ZHX2: variants seen among roughly 807,000 people sequenced by gnomAD.
ZHX2 encodes zinc fingers and homeoboxes protein 2.
Under a neutral mutation model 21.9 loss-of-function variants are expected in ZHX2, and 6 were observed. That is an observed-to-expected ratio of 0.27 (90% CI 0.15 to 0.54). ZHX2 has a LOEUF of 0.54. ZHX2 is among the 20% of genes least tolerant of loss of function. ZHX2 has a pLI of 0.95. For synonymous variants in ZHX2, 434 were observed against 437.1 expected, an observed-to-expected ratio of 0.99 and a Z score of 0.09; for missense variants, 908 against 1,090.7, an observed-to-expected ratio of 0.83 and a Z score of 2.36.
At chr8:122,941,624 A>G (rs1812845548) in intron 2 of ZHX2, among the ~76,000 whole-genome samples, 1 of 151,860 alleles carries the variant, frequency 6.6e-6, no homozygotes, top group South Asian at 2.1e-4. Flanking sequence ...ACTCTTCGGC[A>G]TGGCAGGGAG....
rs1015661939 is a variant in ZHX2 at position 122,924,851 on chromosome 8, C to G, written c.-219-26441C>G. Among the ~76,000 whole-genome samples the G allele has an allele frequency of 5.3e-5, 8 of 152,180 alleles. No individual in the cohort carries two copies. In the East Asian group the frequency reaches 1.5e-3, roughly 29 times the overall value. On this transcript the variant is annotated intron_variant, in intron 2 of 3. Coordinates refer to ENST00000314393, the MANE Select transcript of ZHX2 (RefSeq NM_014943.5). ...TAAGTGGCCAGGTATTTGAGGGTATCTGAGTCGCGGTCTCAGTTGTGTTGA... is the reference window on the plus strand; with the variant it reads ...TAAGTGGCCAGGTATTTGAGGGTATGTGAGTCGCGGTCTCAGTTGTGTTGA...
At chr8:122,892,014 G>T (rs1355431517) in intron 2 of ZHX2, among the ~76,000 whole-genome samples, 3 of 152,310 alleles carry the variant, frequency 2.0e-5, no homozygotes, top group African/African-American at 7.2e-5. Flanking sequence ...TGCTGACAGT[G>T]TGGTGTTGCA....
intron 2 of ZHX2, among the ~76,000 whole-genome samples, chr8:122,898,125 G>A (rs1820141991): frequency 6.6e-6 from 1 of 152,176 alleles, no homozygotes; most frequent in South Asian, 2.1e-4. Context: ...GTGCCTTGTA[G>A]TTTTTACAAA....
intron 1 of ZHX2, among the ~76,000 whole-genome samples, chr8:122,839,575 A>G (rs1176664205): frequency 6.6e-6 from 1 of 152,172 alleles, no homozygotes; most frequent in Non-Finnish European, 1.5e-5. Context: ...ATTTTGTAGA[A>G]CTATAGAACT....
chr8:122,956,364 G>A (rs1813302498), intron 3 of ZHX2, among the ~76,000 whole-genome samples: 1 of 152,192 alleles, frequency 6.6e-6, no homozygotes, highest in South Asian at 2.1e-4. Flanking sequence ...AGGCCAAGGA[G>A]AGAGGAAATC....
At chr8:122,832,843 G>A (rs1256512726) in intron 1 of ZHX2, among the ~76,000 whole-genome samples, 1 of 152,136 alleles carries the variant, frequency 6.6e-6, no homozygotes, top group African/African-American at 2.4e-5. Flanking sequence ...TCTTAGGGGA[G>A]ACCTAATACT....
intron 1 of ZHX2, among the ~76,000 whole-genome samples, chr8:122,858,293 T>C (rs1819078098): frequency 6.6e-6 from 1 of 152,216 alleles, no homozygotes; most frequent in African/African-American, 2.4e-5. Flanking sequence ...CTTACTCGTC[T>C]GCTAAATGTT....
intron 1 of ZHX2, among the ~76,000 whole-genome samples, chr8:122,844,473 A>G (rs1818709818): frequency 6.6e-6 from 1 of 152,238 alleles, no homozygotes; most frequent in Non-Finnish European, 1.5e-5. Flanking sequence ...ATATAAAAGT[A>G]TCCCTGCAGT....
At chr8:122,804,126 T>A (rs11990326) in intron 1 of ZHX2, among the ~76,000 whole-genome samples, 219 of 152,328 alleles carry the variant, frequency 1.4e-3, no homozygotes, top group African/African-American at 4.8e-3. Flanking sequence ...TTATTTATTT[T>A]TTGAGACAGA....
At chr8:122,790,642 C>T (rs1817495016) in intron 1 of ZHX2, among the ~76,000 whole-genome samples, 1 of 152,180 alleles carries the variant, frequency 6.6e-6, no homozygotes, top group African/African-American at 2.4e-5. Flanking sequence ...GAGTCTCACT[C>T]TGTTGCCCAG....
chr8:122,904,420 G>A (rs964588613), intron 2 of ZHX2, among the ~76,000 whole-genome samples: 6 of 152,158 alleles, frequency 3.9e-5, no homozygotes, highest in African/African-American at 1.4e-4. Flanking sequence ...AGAAGGCCAA[G>A]TGGGGAGTAG....
chr8:122,962,846 T>C (rs1388507793), intron 3 of ZHX2, among the ~76,000 whole-genome samples: 2 of 152,230 alleles, frequency 1.3e-5, no homozygotes, highest in Non-Finnish European at 2.9e-5. Context: ...TATTGCATTA[T>C]GATTTTGATT....
At chr8:122,955,741 G>A (rs1304701346) in intron 3 of ZHX2, among the ~76,000 whole-genome samples, 1 of 151,752 alleles carries the variant, frequency 6.6e-6, no homozygotes, top group Non-Finnish European at 1.5e-5. Flanking sequence ...CACAATGACA[G>A]CAACTTCCCA....
chr8:122,856,729 G>A (rs1291392395), intron 1 of ZHX2, among the ~76,000 whole-genome samples: 2 of 152,128 alleles, frequency 1.3e-5, no homozygotes, highest in Non-Finnish European at 2.9e-5. Flanking sequence ...GCCCTATGGT[G>A]GCCCTTCTAA....
chr8:122,909,699 C>T (rs1217642455), intron 2 of ZHX2, among the ~76,000 whole-genome samples: 1 of 152,130 alleles, frequency 6.6e-6, no homozygotes, highest in African/African-American at 2.4e-5. Flanking sequence ...TCCACATTCA[C>T]TCCAGCCTCC....
chr8:122,844,757 C>A (rs999694441), intron 1 of ZHX2, among the ~76,000 whole-genome samples: 1 of 152,202 alleles, frequency 6.6e-6, no homozygotes, highest in African/African-American at 2.4e-5. Flanking sequence ...GTCTGTCTCA[C>A]ACACACACTT....
intron 2 of ZHX2, among the ~76,000 whole-genome samples, chr8:122,876,209 A>T (rs1278544117): frequency 6.6e-6 from 1 of 151,096 alleles, no homozygotes; most frequent in East Asian, 2.0e-4. Flanking sequence ...CACATCTTCG[A>T]CACTGACAAC....
At position 122,826,112 on chromosome 8, in the gene ZHX2, C is replaced by T. The variant is rs545475257; in HGVS notation, c.-282-37365C>T. On this transcript the variant is annotated intron_variant, in intron 1 of 3. Coordinates refer to ENST00000314393, the MANE Select transcript of ZHX2 (RefSeq NM_014943.5). ...AGTGGCATCAGCCCTATTTTCTTCA[C>T]TAGAGGGAAAATGGGCCATTATTCT... Among the ~76,000 whole-genome samples, 6 of 152,330 alleles carry T rather than the reference C, an allele frequency of 3.9e-5. No homozygotes were observed. In the South Asian group the frequency reaches 1.2e-3, roughly 32 times the overall value.
intron 2 of ZHX2, among the ~76,000 whole-genome samples, chr8:122,939,391 C>A (rs926686557): frequency 4.1e-5 from 6 of 144,654 alleles, no homozygotes; most frequent in Admixed American, 2.1e-4. Context: ...GGAATCGAGC[C>A]GTCATGAGAG....
Sources: allele counts gnomAD v4.1 joint callset (sites outside exome capture counted in the v4.1 genomes callset), GRCh38; gene constraint gnomAD v4.1.1; transcripts MANE v1.5; gene names NCBI Gene and HGNC (gene_info 2026-07-23, HGNC 2026-07-21).